The following CAPN5 variants were observed in gnomAD, a reference collection of about 807,000 sequenced individuals.
The protein encoded by CAPN5 is calpain 5.
In CAPN5, 54 loss-of-function variants were observed where a neutral mutation model predicts 73.0. The observed-to-expected ratio is 0.74, with a 90% CI of 0.59 to 0.93. The LOEUF (loss-of-function observed/expected upper bound fraction) is 0.93. Among genes scored for constraint, CAPN5 ranks in the 40% least tolerant of loss-of-function variants. The probability of loss-of-function intolerance (pLI) is 0.00; values close to 1 mark genes in which losing one functional copy is unlikely to be tolerated. For missense variants in CAPN5, 785 were observed against 882.9 expected (o/e 0.89, Z 1.41); for synonymous variants, 335 against 356.9 (o/e 0.94, Z 0.69).
At chr11:77,074,877 C>T (rs1949951887) in intron 1 of CAPN5, among the ~76,000 whole-genome samples, 1 of 152,218 alleles carries the variant, frequency 6.6e-6, no homozygotes, top group Non-Finnish European at 1.5e-5. Flanking sequence ...TTCACCCCCA[C>T]CAGTGGCTGG....
intron 1 of CAPN5, among the ~76,000 whole-genome samples, chr11:77,077,200 T>C (rs1427392616): frequency 6.6e-6 from 1 of 151,880 alleles, no homozygotes. Flanking sequence ...CTACTAAAAA[T>C]ATGAAAATTA....
intron 1 of CAPN5, among the ~76,000 whole-genome samples, chr11:77,082,469 G>A (rs1950037338): frequency 6.6e-6 from 1 of 152,262 alleles, no homozygotes. Context: ...GGCTAGCAGA[G>A]GAGACCTGAC....
At chr11:77,102,953 G>A (rs1191710615) in intron 3 of CAPN5, 7 of 1,613,118 alleles carry the variant, frequency 4.3e-6, no homozygotes, top group Non-Finnish European at 5.9e-6. Flanking sequence ...GCGGGGAGAA[G>A]CGCCAGGATG....
intron 3 of CAPN5, among the ~76,000 whole-genome samples, chr11:77,096,687 C>T (rs961409887): frequency 1.3e-5 from 2 of 152,246 alleles, no homozygotes; most frequent in Non-Finnish European, 1.5e-5. Context: ...CTGGCCTGGC[C>T]TAAGCCAAGA....
intron 1 of CAPN5, among the ~76,000 whole-genome samples, chr11:77,070,508 G>A (rs188613876): frequency 2.6e-5 from 4 of 152,370 alleles, no homozygotes; most frequent in African/African-American, 9.6e-5. Flanking sequence ...CTGTTGTACA[G>A]CGGAGCAACT....
chr11:77,117,616 T>C (rs1950481673), intron 7 of CAPN5, among the ~76,000 whole-genome samples: 1 of 152,184 alleles, frequency 6.6e-6, no homozygotes, highest in Non-Finnish European at 1.5e-5. Context: ...TCACGGTTAA[T>C]TCACTGCCCC....
rs1459442687 is a variant in CAPN5, at chr11:77,124,614, C to A, written c.*744C>A. On this transcript the variant is annotated 3_prime_UTR_variant, in exon 13 of 13. Coordinates refer to ENST00000648180, the MANE Select transcript of CAPN5 (RefSeq NM_004055.5). Reference sequence around the variant, plus strand: ...CATTCCCAGCCCCTGCGTTAAGGTCCCTGGAGAGGTGGCGTCAGTGGGGGT... The same window carrying A: ...CATTCCCAGCCCCTGCGTTAAGGTCACTGGAGAGGTGGCGTCAGTGGGGGT... 1 of 152,456 alleles carries A rather than the reference C, an allele frequency of 6.6e-6. No individual in the cohort carries two copies. Among genetic ancestry groups the A allele is most frequent in the Admixed American group, 6.5e-5 (1 of 15,288 alleles). The allele number at this position is 152,456 out of a possible 1,614,324, so 9.4% of individuals were successfully genotyped here. A position where few individuals can be genotyped will look rare whatever the true frequency, so the allele number is the denominator to read the frequency against.
intron 3 of CAPN5, among the ~76,000 whole-genome samples, chr11:77,096,930 A>G (rs11828625): frequency 0.39 from 59,245 of 152,068 alleles, 12,026 homozygotes; most frequent in South Asian, 0.56. Context: ...GCATTTAAAA[A>G]TGCCTCCCAC....
rs191535598 is a variant in CAPN5 at position 77,123,896 on chromosome 11, C to A, written c.*26C>A. The A allele has an allele frequency of 3.2e-4, 515 of 1,603,010 alleles. 4 individuals carry two copies. In the African/African-American group the frequency reaches 6.0e-3, roughly 19 times the overall value. ...CACCTGCCCACCTACCTGGCTCTGA[C>A]CGTTCCCACCACCATCTGCATGTCC... On this transcript the variant is annotated 3_prime_UTR_variant, in exon 13 of 13. Coordinates refer to ENST00000648180, the MANE Select transcript of CAPN5 (RefSeq NM_004055.5).
intron 3 of CAPN5, among the ~76,000 whole-genome samples, chr11:77,098,411 G>A (rs1422685967): frequency 1.7e-4 from 18 of 108,148 alleles, no homozygotes; most frequent in African/African-American, 6.4e-4. Flanking sequence ...CCGGGCGGCT[G>A]GCCGGGCAGA....
chr11:77,121,869 C>G, intron 10 of CAPN5, 65 bp from the exon 11 acceptor site: 1 of 814,376 alleles, frequency 1.2e-6, no homozygotes, highest in Non-Finnish European at 1.9e-6. Flanking sequence ...TCCTGAACCC[C>G]CTCTTCACCC....
chr11:77,118,093 TG>T, intron 7 of CAPN5, 63 bp from the exon 8 acceptor site: 1 of 1,470,420 alleles, frequency 6.8e-7, no homozygotes. Flanking sequence ...GTTGTTGGGC[TG>T]GGGGGCCAAG....
intron 3 of CAPN5, among the ~76,000 whole-genome samples, chr11:77,111,110 C>T (rs575895260): frequency 4.7e-4 from 71 of 152,008 alleles, no homozygotes; most frequent in Non-Finnish European, 8.1e-4. Flanking sequence ...AGCAGCACTG[C>T]GGATGCTGCT....
chr11:77,073,513 G>A (rs540872604), intron 1 of CAPN5, among the ~76,000 whole-genome samples: 1 of 152,264 alleles, frequency 6.6e-6, no homozygotes, highest in East Asian at 1.9e-4. Flanking sequence ...GACACACAGA[G>A]CCAGGCCTGC....
intron 1 of CAPN5, among the ~76,000 whole-genome samples, chr11:77,076,077 C>T (rs530513477): frequency 6.6e-6 from 1 of 152,296 alleles, no homozygotes; most frequent in East Asian, 1.9e-4. Flanking sequence ...AAAATCTACT[C>T]TCGGCCGGGC....
rs1950564567 is a variant in CAPN5 at position 77,125,451 on chromosome 11, ACT to A, written c.*1584_*1585del. The stretch of plus-strand genomic sequence containing the variant: ...TCAAGAACCTGGGCCTGGGGCCGGG[ACT>A]CTGCATGACTGGGAGCAAGTCACTT... On this transcript the variant is annotated 3_prime_UTR_variant, in exon 13 of 13. Transcript: ENST00000648180. 6.6e-6 allele frequency: 1 copy of A among 151,840 alleles called. No homozygotes were observed. The allele number at this position is 151,840 out of a possible 1,614,324, so 9.4% of individuals were successfully genotyped here. A position where few individuals can be genotyped will look rare whatever the true frequency, so the allele number is the denominator to read the frequency against.
chr11:77,076,500 A>G (rs1205944452), intron 1 of CAPN5, among the ~76,000 whole-genome samples: 1 of 152,198 alleles, frequency 6.6e-6, no homozygotes, highest in African/African-American at 2.4e-5. Flanking sequence ...TTTGACTGAC[A>G]TCTCTGCAAC....
intron 4 of CAPN5, 56 bp from the exon 5 acceptor site, chr11:77,114,186 G>C (rs546243126): frequency 1.3e-6 from 2 of 1,549,404 alleles, no homozygotes; most frequent in African/African-American, 2.7e-5. Context: ...ATGAGGTAAA[G>C]GATGCAGCCT....
Position 77,103,097 on chromosome 11 carries a change from C to G in CAPN5, c.297+9284C>G, listed in dbSNP as rs532565906. 45 of 1,613,800 alleles carry G rather than the reference C, an allele frequency of 2.8e-5. No individual in the cohort carries two copies. Among genetic ancestry groups the G allele is most frequent in the Middle Eastern group, 1.6e-4 (1 of 6,084 alleles). On this transcript the variant is annotated intron_variant, in intron 3 of 12. Coordinates refer to ENST00000648180, the MANE Select transcript of CAPN5 (RefSeq NM_004055.5). ...TCACCATCACAGGCACCTCGCAGAA[C>G]TGGACGCCTGACCTCACCAACCTCA...
Sources: allele counts gnomAD v4.1 joint callset (sites outside exome capture counted in the v4.1 genomes callset), GRCh38; gene constraint gnomAD v4.1.1; transcripts MANE v1.5; gene names NCBI Gene and HGNC (gene_info 2026-07-23, HGNC 2026-07-21).